NRXN3: variants seen among roughly 807,000 people sequenced by gnomAD.
NRXN3 encodes the protein neurexin III.
NRXN3 carries 32 observed loss-of-function variants against 137.6 expected under a neutral mutation model. The ratio of observed to expected loss-of-function variants is 0.23; its 90% CI spans 0.18 to 0.31. NRXN3 has a LOEUF of 0.31. Among genes scored for constraint, NRXN3 ranks in the 10% least tolerant of loss-of-function variants. NRXN3 has a pLI of 1.00. For synonymous variants in NRXN3, 798 were observed against 784.5 expected (o/e 1.02, Z -0.29); for missense variants, 1,574 against 2,062.5 (o/e 0.76, Z 4.59).
In NRXN3 at chr14:78,645,398, A is replaced by G; in HGVS notation, c.1036A>G (p.Lys346Glu). 1 of 1,591,156 alleles carries G rather than the reference A, an allele frequency of 6.3e-7. No homozygotes were observed. ...KFNDNAWHDV[K>E]VTRNLRQVTI... ...CAACGACAACGCCTGGCATGATGTC[A>G]AAGTGACACGCAACCTCCGGCAGGT... The change falls in exon 5 of 21, where the codon AAA becomes GAA. Residue 346 changes from lysine to glutamate, a missense_variant. Coordinates refer to ENST00000335750, the MANE Select transcript of NRXN3 (RefSeq NM_001330195.2).
At chr14:78,432,474 C>T (rs753582586) in intron 4 of NRXN3, among the ~76,000 whole-genome samples, 10 of 152,126 alleles carry the variant, frequency 6.6e-5, no homozygotes, top group South Asian at 6.2e-4. Context: ...CTGACCCTGT[C>T]GACCCAACAG....
At chr14:78,763,953 CA>C (rs2152982378) in intron 8 of NRXN3, among the ~76,000 whole-genome samples, 1 of 152,310 alleles carries the variant, frequency 6.6e-6, no homozygotes, top group East Asian at 1.9e-4. Flanking sequence ...CACCCTAGGA[CA>C]TTTCTGATAG....
Position 79,113,229 on chromosome 14 carries a change from C to T in NRXN3, c.3262+125088C>T, listed in dbSNP as rs188293790. 2.7e-3 allele frequency among the ~76,000 whole-genome samples: 411 copies of T among 152,226 alleles called. 2 individuals carry two copies. The highest frequency in any genetic ancestry group is 9.3e-3 in the African/African-American group (387 of 41,554). ...GCATTCCTGGTTGAGAATCATTGTA[C>T]TAGACCAAGGAATGGATCATATTGA... is the stretch of plus-strand genomic sequence containing the variant. On this transcript the variant is annotated intron_variant, in intron 15 of 20. Transcript: ENST00000335750.
intron 4 of NRXN3, among the ~76,000 whole-genome samples, chr14:78,299,667 C>T (rs962617570): frequency 5.3e-5 from 8 of 152,154 alleles, no homozygotes; most frequent in South Asian, 4.1e-4. Flanking sequence ...TGCAGACACA[C>T]TGATGCAGCA....
chr14:79,757,392 C>A (rs1033517010), intron 19 of NRXN3, among the ~76,000 whole-genome samples: 1 of 152,076 alleles, frequency 6.6e-6, no homozygotes, highest in East Asian at 1.9e-4. Flanking sequence ...TGCAGAAAAG[C>A]CCAAACAGAA....
At chr14:78,637,437 G>T (rs1341040525) in intron 4 of NRXN3, among the ~76,000 whole-genome samples, 1 of 152,130 alleles carries the variant, frequency 6.6e-6, no homozygotes, top group African/African-American at 2.4e-5. Context: ...TTACTACACT[G>T]GTAATTATTT....
intron 6 of NRXN3, among the ~76,000 whole-genome samples, chr14:78,689,186 A>T (rs1274924671): frequency 6.6e-6 from 1 of 152,110 alleles, no homozygotes; most frequent in Non-Finnish European, 1.5e-5. Context: ...AAAACTACTT[A>T]AAAGTATAGT....
intron 19 of NRXN3, among the ~76,000 whole-genome samples, chr14:79,778,944 A>G (rs955088042): frequency 6.6e-6 from 1 of 152,178 alleles, no homozygotes; most frequent in Non-Finnish European, 1.5e-5. Flanking sequence ...TTTGCCACTC[A>G]TTACCTTTGG....
At chr14:79,755,772 AT>A (rs2099017377) in intron 19 of NRXN3, among the ~76,000 whole-genome samples, 1 of 152,156 alleles carries the variant, frequency 6.6e-6, no homozygotes, top group Non-Finnish European at 1.5e-5. Flanking sequence ...ATTCTTGGAA[AT>A]CATGCCATTG....
At chr14:78,629,143 A>C (rs956924200) in intron 4 of NRXN3, among the ~76,000 whole-genome samples, 32 of 152,174 alleles carry the variant, frequency 2.1e-4, no homozygotes, top group African/African-American at 7.7e-4. Flanking sequence ...CCCCCATTTC[A>C]AGGGCTCTGG....
chr14:79,404,626 A>G (rs2095273280), intron 15 of NRXN3, among the ~76,000 whole-genome samples: 1 of 152,224 alleles, frequency 6.6e-6, no homozygotes, highest in Non-Finnish European at 1.5e-5. Flanking sequence ...GCGATTAAAT[A>G]TCGAAAGAAA....
intron 15 of NRXN3, among the ~76,000 whole-genome samples, chr14:79,192,390 G>A (rs1202341968): frequency 1.3e-5 from 2 of 152,102 alleles, no homozygotes; most frequent in African/African-American, 4.8e-5. Flanking sequence ...TTGTCTCACC[G>A]AGGAACCATC....
At chr14:79,795,693 T>G (rs1254406117) in intron 19 of NRXN3, among the ~76,000 whole-genome samples, 2 of 152,226 alleles carry the variant, frequency 1.3e-5, no homozygotes, top group Non-Finnish European at 2.9e-5. Context: ...TTTCTAACAT[T>G]ATATTACATG....
At chr14:79,665,010 C>T (rs1413733119) in intron 17 of NRXN3, among the ~76,000 whole-genome samples, 2 of 152,108 alleles carry the variant, frequency 1.3e-5, no homozygotes, top group Non-Finnish European at 2.9e-5. Context: ...GTCTAAGAGC[C>T]ATTAGCTAAT....
intron 15 of NRXN3, among the ~76,000 whole-genome samples, chr14:78,988,642 T>C (rs1191183037): frequency 6.6e-6 from 1 of 152,162 alleles, no homozygotes; most frequent in African/African-American, 2.4e-5. Flanking sequence ...GAGTTTATTT[T>C]TTACAATTAG....
chr14:79,103,432 A>G (rs1322852514), intron 15 of NRXN3, among the ~76,000 whole-genome samples: 1 of 152,184 alleles, frequency 6.6e-6, no homozygotes, highest in African/African-American at 2.4e-5. Context: ...AATTAGAGAC[A>G]GGAACAACAC....
At chr14:78,818,882 G>A (rs1027770243) in intron 10 of NRXN3, among the ~76,000 whole-genome samples, 1 of 151,990 alleles carries the variant, frequency 6.6e-6, no homozygotes, top group African/African-American at 2.4e-5. Flanking sequence ...GAAGAAATTG[G>A]ACCTCAGATG....
intron 20 of NRXN3, among the ~76,000 whole-genome samples, chr14:79,817,212 C>A (rs1226029023): frequency 6.6e-6 from 1 of 152,026 alleles, no homozygotes; most frequent in Non-Finnish European, 1.5e-5. Flanking sequence ...GCCACCATAC[C>A]CAGCTAATTT....
intron 4 of NRXN3, among the ~76,000 whole-genome samples, chr14:78,573,116 G>A (rs1014070613): frequency 3.4e-4 from 52 of 152,178 alleles, no homozygotes; most frequent in African/African-American, 9.7e-4. Context: ...CTACTGCCCC[G>A]TGAAGAGATG....
Sources: gnomAD v4.1 joint callset for allele counts (sites outside exome capture counted in the v4.1 genomes callset) on GRCh38, gnomAD v4.1.1 for gene constraint, MANE v1.5 for transcripts, NCBI Gene and HGNC (gene_info 2026-07-23, HGNC 2026-07-21) for gene names.